Variants in PTPRT observed in about 807,000 individuals in gnomAD.
The protein encoded by PTPRT is protein tyrosine phosphatase receptor type T.
In PTPRT, 56 loss-of-function variants were observed where a neutral mutation model predicts 176.8. That is an observed-to-expected ratio of 0.32 (90% CI 0.26 to 0.40). The LOEUF (loss-of-function observed/expected upper bound fraction) is 0.40. PTPRT is among the 10% of genes least tolerant of loss of function. PTPRT has a pLI of 1.00. For missense variants in PTPRT, 1,540 were observed against 1,908.2 expected, an observed-to-expected ratio of 0.81 and a Z score of 3.60; for synonymous variants, 783 against 739.0, an observed-to-expected ratio of 1.06 and a Z score of -0.96.
downstream of PTPRT, among the ~76,000 whole-genome samples, chr20:42,071,559 G>A (rs1488148568): frequency 6.6e-6 from 1 of 152,204 alleles, no homozygotes; most frequent in Non-Finnish European, 1.5e-5. Context: ...GTGTAATGGT[G>A]TAGGTGACCC....
At chr20:42,380,125 T>G (rs1166143410) in intron 9 of PTPRT, among the ~76,000 whole-genome samples, 1 of 152,208 alleles carries the variant, frequency 6.6e-6, no homozygotes, top group Non-Finnish European at 1.5e-5. Flanking sequence ...TAGATAGCTT[T>G]GGGGTCAGAA....
At chr20:42,169,751 CA>C in intron 16 of PTPRT, among the ~76,000 whole-genome samples, 1 of 127,598 alleles carries the variant, frequency 7.8e-6, no homozygotes. Flanking sequence ...CAAACACACA[CA>C]CACACACACA....
At chr20:42,247,013 G>T (rs1291702793) in intron 14 of PTPRT, among the ~76,000 whole-genome samples, 1 of 152,164 alleles carries the variant, frequency 6.6e-6, no homozygotes. Flanking sequence ...ATATAATGTG[G>T]CCATGTGTTA....
intron 6 of PTPRT, among the ~76,000 whole-genome samples, chr20:42,689,124 A>C (rs1476211028): frequency 6.6e-6 from 1 of 152,198 alleles, no homozygotes; most frequent in Non-Finnish European, 1.5e-5. Flanking sequence ...GTCAGCACAG[A>C]CATTTCTGTT....
At chr20:43,047,202 A>C (rs1194011158) in intron 1 of PTPRT, among the ~76,000 whole-genome samples, 1 of 152,078 alleles carries the variant, frequency 6.6e-6, no homozygotes, top group Non-Finnish European at 1.5e-5. Flanking sequence ...GAGAACCCAC[A>C]GTGCTGCGCT....
rs774941714 is a variant in PTPRT at position 42,742,660 on chromosome 20, G to A, written c.859+13802C>T. Among the ~76,000 whole-genome samples the A allele has an allele frequency of 1.4e-4, 22 of 152,288 alleles. No individual in the cohort carries two copies. The Middle Eastern group carries it at 0.01, about 71-fold the overall frequency. On this transcript the variant is annotated intron_variant, in intron 6 of 30. Coordinates refer to ENST00000373187, the MANE Select transcript of PTPRT (RefSeq NM_007050.6). ...CCATCTGAATGGAGGAAGCTTGTGT[G>A]CCCAGAAGGAAAAATAAATGGTACA...
intron 5 of PTPRT, among the ~76,000 whole-genome samples, chr20:42,763,084 C>T (rs539632312): frequency 6.6e-6 from 1 of 152,324 alleles, no homozygotes; most frequent in East Asian, 1.9e-4. Context: ...TTTCAGGAAC[C>T]ACCTAAAGAG....
intron 5 of PTPRT, among the ~76,000 whole-genome samples, chr20:42,771,227 C>T (rs1384747779): frequency 1.3e-5 from 2 of 152,250 alleles, no homozygotes; most frequent in East Asian, 1.9e-4. Context: ...ACCACACCAC[C>T]CACCCCATCT....
chr20:42,400,269 CT>C (rs1212099594), intron 9 of PTPRT, among the ~76,000 whole-genome samples: 12 of 151,930 alleles, frequency 7.9e-5, no homozygotes, highest in East Asian at 1.9e-4. Context: ...TTCCATATGA[CT>C]TTTTTTTCAT....
chr20:42,757,854 T>C (rs1266811628), intron 5 of PTPRT, among the ~76,000 whole-genome samples: 1 of 152,212 alleles, frequency 6.6e-6, no homozygotes, highest in Non-Finnish European at 1.5e-5. Flanking sequence ...CACATGCATG[T>C]TGGTGCAGTT....
intron 11 of PTPRT, among the ~76,000 whole-genome samples, chr20:42,347,075 T>C (rs1176254610): frequency 6.6e-6 from 1 of 152,156 alleles, no homozygotes; most frequent in East Asian, 1.9e-4. Flanking sequence ...CTATGCACTG[T>C]CTTTAACTGT....
chr20:42,057,976 A>G, the PTPRT span, among the ~76,000 whole-genome samples: 4,298 of 152,298 alleles, frequency 0.028, 204 homozygotes, highest in African/African-American at 0.098. Context: ...AAGAGATGCT[A>G]AGGATGATTC....
intron 9 of PTPRT, among the ~76,000 whole-genome samples, chr20:42,372,089 T>C (rs1405658803): frequency 1.3e-5 from 2 of 151,952 alleles, no homozygotes; most frequent in East Asian, 3.9e-4. Flanking sequence ...ATTCCTTACT[T>C]CCCTAATATC....
At chr20:42,901,979 C>T (rs1477627064) in intron 1 of PTPRT, among the ~76,000 whole-genome samples, 1 of 152,166 alleles carries the variant, frequency 6.6e-6, no homozygotes, top group Non-Finnish European at 1.5e-5. Context: ...ACCACATGGT[C>T]TGTAAAGACT....
intron 14 of PTPRT, 143 bp from the exon 15 acceptor site, chr20:42,236,401 A>T: frequency 1.5e-6 from 1 of 678,146 alleles, no homozygotes; most frequent in Non-Finnish European, 2.5e-6. Flanking sequence ...GCTCAAGGAG[A>T]TGCAAGTTCC....
intron 7 of PTPRT, among the ~76,000 whole-genome samples, chr20:42,589,146 A>T (rs1041457952): frequency 6.6e-6 from 1 of 151,802 alleles, no homozygotes; most frequent in African/African-American, 2.4e-5. Flanking sequence ...AGCGAACCCC[A>T]CTCTCCAAGC....
intron 7 of PTPRT, among the ~76,000 whole-genome samples, chr20:42,530,364 C>A (rs1232116220): frequency 6.6e-6 from 1 of 152,214 alleles, no homozygotes; most frequent in African/African-American, 2.4e-5. Context: ...AGGCACCATG[C>A]AATGTGGCTC....
chr20:42,112,565 G>C (rs1022857263), intron 22 of PTPRT, among the ~76,000 whole-genome samples: 3 of 152,150 alleles, frequency 2.0e-5, no homozygotes, highest in African/African-American at 7.2e-5. Flanking sequence ...AGGCCCCTTT[G>C]CCTCAAGGTT....
At chr20:42,057,553 C>G in the PTPRT span, among the ~76,000 whole-genome samples, 1 of 152,176 alleles carries the variant, frequency 6.6e-6, no homozygotes, top group Admixed American at 6.5e-5. Flanking sequence ...GGTCCTTTTA[C>G]TAGTCTGGCT....
Sources: allele counts gnomAD v4.1 joint callset (sites outside exome capture counted in the v4.1 genomes callset), GRCh38; gene constraint gnomAD v4.1.1; transcripts MANE v1.5; gene names NCBI Gene and HGNC (gene_info 2026-07-23, HGNC 2026-07-21).